SPSB1: variants seen among roughly 807,000 people sequenced by gnomAD.
The protein encoded by SPSB1 is SPRY domain-containing SOCS box protein 1.
SPSB1 carries 8 observed loss-of-function variants against 21.2 expected under a neutral mutation model. The observed-to-expected ratio is 0.38, with a 90% confidence interval of 0.22 to 0.68. SPSB1 has a LOEUF of 0.68. Among genes scored for constraint, SPSB1 ranks in the 30% least tolerant of loss-of-function variants. The pLI is 0.53. For missense variants in SPSB1, 242 were observed against 377.8 expected (o/e 0.64, Z 2.98); for synonymous variants, 169 against 161.7 (o/e 1.05, Z -0.34).
chr1:9,353,768 A>G (rs1640314984), intron 1 of SPSB1, among the ~76,000 whole-genome samples: 1 of 152,164 alleles, frequency 6.6e-6, no homozygotes. Context: ...AATAGAAAAA[A>G]TTAGCTGGGC....
rs1640358752 is a variant in SPSB1 at position 9,356,162 on chromosome 1, G to A, written c.271G>A (p.Val91Ile). The change falls in exon 2 of 3, where the codon GTC becomes ATC. Residue 91 changes from valine to isoleucine, a missense_variant. By Grantham distance (29) the Val-to-Ile change is conservative. Transcript: ENST00000328089. The surrounding 1 kb of genome is among the most constrained non-coding windows in gnomAD (Gnocchi z 7.4). ...GAGCACGGACGCTATCAGGGGCAAA[G>A]TCGGGTATACCCGTGGGCTGCACGT... ...AQSTDAIRGK[V>I]GYTRGLHVWQ... 4 of 1,586,420 alleles carry A rather than the reference G, an allele frequency of 2.5e-6. No individual in the cohort carries two copies. Among genetic ancestry groups the A allele is most frequent in the Non-Finnish European group, 1.7e-6 (2 of 1,162,994 alleles).
At chr1:9,296,371 C>T (rs1273493562) in intron 1 of SPSB1, among the ~76,000 whole-genome samples, 1 of 152,202 alleles carries the variant, frequency 6.6e-6, no homozygotes, top group Non-Finnish European at 1.5e-5. Flanking sequence ...CCAAGCCCTT[C>T]ACCAGTAAGT....
Position 9,293,242 on chromosome 1 carries a change from G to A in SPSB1, c.-150+171G>A, listed in dbSNP as rs1409802816. On this transcript the variant is annotated intron_variant, in intron 1 of 2. Coordinates refer to ENST00000328089, the MANE Select transcript of SPSB1 (RefSeq NM_025106.4). This position sits in a 1 kb window ranked among gnomAD's most constrained non-coding sequence, Gnocchi z 5.1. The stretch of plus-strand genomic sequence containing the variant: ...GTGGAGTACGGGATGGGGACTCGGG[G>A]CGCGGCCCCTCCCGCGGTGGCTCCG... 2.0e-5 allele frequency among the ~76,000 whole-genome samples: 3 copies of A among 149,470 alleles called. No individual in the cohort carries two copies. The highest frequency in any genetic ancestry group is 7.3e-5 in the African/African-American group (3 of 41,210).
chr1:9,368,890 CCCTGGCAACCCCT>C lies in SPSB1; in HGVS notation c.*1318_*1330del, dbSNP rs1259051499. The stretch of plus-strand genomic sequence containing the variant: ...CTGCCGGAAGAGAGGGGTGCCCTAT[CCCTGGCAACCCCT>C]CCACGTAGCGTACCCCAGCACCTGC... On this transcript the variant is annotated 3_prime_UTR_variant, in exon 3 of 3. Coordinates refer to ENST00000328089, the MANE Select transcript of SPSB1 (RefSeq NM_025106.4). 1 of 152,532 alleles carries C rather than the reference CCCTGGCAACCCCT, an allele frequency of 6.6e-6. No homozygotes were observed. Among genetic ancestry groups the C allele is most frequent in the Non-Finnish European group, 1.5e-5 (1 of 68,044 alleles). The allele number at this position is 152,532 out of a possible 1,614,324, so 9.4% of individuals were successfully genotyped here.
At position 9,367,715 on chromosome 1, in the gene SPSB1, G is replaced by A. The variant is rs898089912; in HGVS notation, c.*140G>A. On this transcript the variant is annotated 3_prime_UTR_variant, in exon 3 of 3. Coordinates refer to ENST00000328089, the MANE Select transcript of SPSB1 (RefSeq NM_025106.4). The surrounding 1 kb of genome is among the most constrained non-coding windows in gnomAD (Gnocchi z 5.9). ...GGTCCCTGGTCTTCCCTCATCCTCC[G>A]TGGCTGCCTCCATGGGACAAGGACC... The A allele has an allele frequency of 3.0e-5, 40 of 1,317,476 alleles. No homozygotes were observed. Among genetic ancestry groups the A allele is most frequent in the African/African-American group, 5.9e-5 (4 of 67,422 alleles). The allele number at this position is 1,317,476 out of a possible 1,614,324, so 81.6% of individuals were successfully genotyped here.
Position 9,356,377 on chromosome 1 carries a change from A to T in SPSB1, c.486A>T (p.Pro162=). 6.2e-7 allele frequency: 1 copy of T among 1,614,156 alleles called. No individual in the cohort carries two copies. Among genetic ancestry groups the T allele is most frequent in the Non-Finnish European group, 8.5e-7 (1 of 1,180,030 alleles). ...AGAACCAGCCAAGCAAAACATACCC[A>T]GCCTTTCTGGAACCAGATGAGACAT... The part of the protein sequence containing the change: ...DGKNQPSKTY[P]AFLEPDETFI... Residue 162 remains proline, a synonymous_variant, in exon 2 of 3, where the codon CCA becomes CCT. Coordinates refer to ENST00000328089, the MANE Select transcript of SPSB1 (RefSeq NM_025106.4). The surrounding 1 kb of genome is among the most constrained non-coding windows in gnomAD (Gnocchi z 7.4).
Position 9,367,065 on chromosome 1 carries a change from C to T in SPSB1, c.695-383C>T, listed in dbSNP as rs1473174173. 6.6e-6 allele frequency among the ~76,000 whole-genome samples: 1 copy of T among 152,216 alleles called. No individual in the cohort carries two copies. Among genetic ancestry groups the T allele is most frequent in the Non-Finnish European group, 1.5e-5 (1 of 68,038 alleles). On this transcript the variant is annotated intron_variant, in intron 2 of 2. Transcript: ENST00000328089. The surrounding 1 kb of genome is among the most constrained non-coding windows in gnomAD (Gnocchi z 5.9). ...GTCACCAGTGGGGAAGAGCAGGGATCGCCTGGGTTCGAATCCTAGCTGCAT... is the reference window on the plus strand; with the variant it reads ...GTCACCAGTGGGGAAGAGCAGGGATTGCCTGGGTTCGAATCCTAGCTGCAT...
At position 9,293,948 on chromosome 1, in the gene SPSB1, G is replaced by A. The variant is rs1639164565; in HGVS notation, c.-150+877G>A. Among the ~76,000 whole-genome samples, 1 of 152,028 alleles carries A rather than the reference G, an allele frequency of 6.6e-6. No individual in the cohort carries two copies. The highest frequency in any genetic ancestry group is 6.5e-5 in the Admixed American group (1 of 15,276). On this transcript the variant is annotated intron_variant, in intron 1 of 2. Coordinates refer to ENST00000328089, the MANE Select transcript of SPSB1 (RefSeq NM_025106.4). This position sits in a 1 kb window ranked among gnomAD's most constrained non-coding sequence, Gnocchi z 5.1. ...GGTGTGTGTGTGAGTGTGTCTCTAA[G>A]TGCATCTGTGTATTTATGTGCCTCT...
Position 9,367,693 on chromosome 1 carries a change from C to T in SPSB1, c.*118C>T. On this transcript the variant is annotated 3_prime_UTR_variant, in exon 3 of 3. Transcript: ENST00000328089. This position sits in a 1 kb window ranked among gnomAD's most constrained non-coding sequence, Gnocchi z 5.9. Reference sequence around the variant, plus strand: ...GGCATCCGTAGCCATGGACAGAGGTCCCTGGTCTTCCCTCATCCTCCGTGG... The same window carrying T: ...GGCATCCGTAGCCATGGACAGAGGTTCCTGGTCTTCCCTCATCCTCCGTGG... 2.1e-6 allele frequency: 3 copies of T among 1,407,452 alleles called. No homozygotes were observed. Among genetic ancestry groups the T allele is most frequent in the South Asian group, 1.5e-5 (1 of 68,760 alleles). The allele number at this position is 1,407,452 out of a possible 1,614,324, so 87.2% of individuals were successfully genotyped here.
chr1:9,295,213 TGTGA>T (rs1639199055), intron 1 of SPSB1, among the ~76,000 whole-genome samples: 2 of 81,556 alleles, frequency 2.5e-5, no homozygotes, highest in East Asian at 3.9e-4. Flanking sequence ...TGTGTGAGAG[TGTGA>T]GTGTGTGTGT....
rs150823232 is a variant in SPSB1 at position 9,364,010 on chromosome 1, T to C, written c.695-3438T>C. On this transcript the variant is annotated intron_variant, in intron 2 of 2. Coordinates refer to ENST00000328089, the MANE Select transcript of SPSB1 (RefSeq NM_025106.4). ...CCACCGCGTCCAGCCTAGAAACATT[T>C]CTTCATGGGTTGATTGGAAACCCGT... Among the ~76,000 whole-genome samples, 719 of 152,312 alleles carry C rather than the reference T, an allele frequency of 4.7e-3. 7 individuals carry two copies. Among genetic ancestry groups the C allele is most frequent in the African/African-American group, 0.017 (688 of 41,560 alleles).
In SPSB1 at chr1:9,305,509, T is replaced by A. The variant is rs1001414034; in HGVS notation, c.-150+12438T>A. Among the ~76,000 whole-genome samples, 1 of 150,992 alleles carries A rather than the reference T, an allele frequency of 6.6e-6. No homozygotes were observed. The highest frequency in any genetic ancestry group is 2.4e-5 in the African/African-American group (1 of 40,836). Reference sequence around the variant, plus strand: ...AGTAGGTTCTTGGACACCTGTCGGATGAAGGAGTAGGTAAGACCGGTGGCG... The same window carrying A: ...AGTAGGTTCTTGGACACCTGTCGGAAGAAGGAGTAGGTAAGACCGGTGGCG... On this transcript the variant is annotated intron_variant, in intron 1 of 2. Transcript: ENST00000328089. The surrounding 1 kb of genome is among the most constrained non-coding windows in gnomAD (Gnocchi z 4.8).
intron 1 of SPSB1, among the ~76,000 whole-genome samples, chr1:9,331,807 G>A (rs72860855): frequency 0.076 from 11,612 of 152,206 alleles, 1,451 homozygotes; most frequent in African/African-American, 0.26. Flanking sequence ...TCTGGAGGGT[G>A]CAACGTGCGA....
rs570790808 is a variant in SPSB1 at position 9,329,968 on chromosome 1, G to A, written c.-149-25775G>A. ...AAATTGCTGTGGATGACAGGACAGC[G>A]GGTTCAGAGTGGCCCAGGAGCAGGT... is the stretch of plus-strand genomic sequence containing the variant. On this transcript the variant is annotated intron_variant, in intron 1 of 2. Transcript: ENST00000328089. Among the ~76,000 whole-genome samples the A allele has an allele frequency of 6.6e-5, 10 of 152,322 alleles. No homozygotes were observed. The East Asian group carries it at 1.2e-3, about 18-fold the overall frequency.
intron 1 of SPSB1, among the ~76,000 whole-genome samples, chr1:9,301,604 T>G (rs1639331188): frequency 6.6e-6 from 1 of 152,144 alleles, no homozygotes; most frequent in Non-Finnish European, 1.5e-5. Flanking sequence ...GGTATGTGGG[T>G]AGGATGACCT....
intron 1 of SPSB1, among the ~76,000 whole-genome samples, chr1:9,315,551 C>A (rs1227607347): frequency 1.3e-5 from 2 of 152,258 alleles, no homozygotes; most frequent in Non-Finnish European, 2.9e-5. Flanking sequence ...GACTCCTGAG[C>A]TGCAGCTTCT....
intron 1 of SPSB1, among the ~76,000 whole-genome samples, chr1:9,328,160 AG>A (rs1639849512): frequency 6.6e-6 from 1 of 152,232 alleles, no homozygotes; most frequent in South Asian, 2.1e-4. Context: ...CTATAGAGCC[AG>A]ACGAACGTGG....
intron 1 of SPSB1, among the ~76,000 whole-genome samples, chr1:9,300,350 G>A (rs1413726568): frequency 3.3e-5 from 5 of 152,216 alleles, no homozygotes; most frequent in African/African-American, 9.6e-5. Flanking sequence ...AGTGGGGCCC[G>A]TAGCAGAAGA....
At chr1:9,315,688 C>A (rs1319725622) in intron 1 of SPSB1, among the ~76,000 whole-genome samples, 1 of 152,244 alleles carries the variant, frequency 6.6e-6, no homozygotes, top group African/African-American at 2.4e-5. Context: ...TAGGGCATCA[C>A]GTGCAGCAAA....
Sources: gnomAD v4.1 joint callset for allele counts (sites outside exome capture counted in the v4.1 genomes callset) on GRCh38, gnomAD v4.1.1 for gene constraint, Gnocchi (gnomAD v3.1) non-coding constraint, MANE v1.5 for transcripts, NCBI Gene and HGNC (gene_info 2026-07-23, HGNC 2026-07-21) for gene names.